Variants in SLC6A19 observed in about 807,000 individuals in gnomAD.
The protein encoded by SLC6A19 is solute carrier family 6 member 19, also known as sodium-dependent neutral amino acid transporter B(0)AT1.
SLC6A19 carries 67 observed loss-of-function variants against 68.3 expected under a neutral mutation model. The observed-to-expected ratio is 0.98, with a 90% CI of 0.81 to 1.20. The LOEUF (loss-of-function observed/expected upper bound fraction) is 1.20. Among genes scored for constraint, SLC6A19 ranks in the 50% most tolerant of loss-of-function variants. The pLI is 0.00. For synonymous variants in SLC6A19, 392 were observed against 374.9 expected (o/e 1.05, Z -0.53); for missense variants, 813 against 851.6 (o/e 0.95, Z 0.56).
intron 1 of SLC6A19, among the ~76,000 whole-genome samples, chr5:1,202,836 A>G (rs1473930892): frequency 2.0e-5 from 3 of 152,178 alleles, no homozygotes; most frequent in East Asian, 1.9e-4. Flanking sequence ...GCTTTTCCTG[A>G]ATCAGTTTCG....
In SLC6A19 at chr5:1,221,289, C is replaced by T. The variant is rs751809785; in HGVS notation, c.1677C>T (p.Thr559=). 9 of 1,613,816 alleles carry T rather than the reference C, an allele frequency of 5.6e-6. No individual in the cohort carries two copies. The South Asian group carries it at 7.7e-5, about 14-fold the overall frequency. Residue 559 remains threonine (T), a synonymous_variant, in exon 11 of 12, where the codon ACC becomes ACT. Transcript: ENST00000304460. ...FFVVEVSQEL[T]YSIWDPGYEE... Reference sequence around the variant, plus strand: ...TGGTAGAGGTCAGTCAGGAGCTGACCTACAGCATCTGGGACCCTGGCTACG... The same window carrying T: ...TGGTAGAGGTCAGTCAGGAGCTGACTTACAGCATCTGGGACCCTGGCTACG...
intron 10 of SLC6A19, among the ~76,000 whole-genome samples, chr5:1,219,962 C>T (rs1280225079): frequency 3.3e-5 from 5 of 152,108 alleles, no homozygotes; most frequent in African/African-American, 1.2e-4. Flanking sequence ...GCAGGGCCCA[C>T]GGCCGGGGAT....
In SLC6A19 at chr5:1,212,281, G is replaced by GTGTGAA. The variant is rs1310333461; in HGVS notation, c.482-19_482-14dup. 3.1e-6 allele frequency: 5 copies of GTGTGAA among 1,612,390 alleles called. No individual in the cohort carries two copies. Among genetic ancestry groups the GTGTGAA allele is most frequent in the Non-Finnish European group, 4.2e-6 (5 of 1,179,902 alleles). On this transcript the variant is annotated intron_variant, in intron 3 of 11. Coordinates refer to ENST00000304460, the MANE Select transcript of SLC6A19 (RefSeq NM_001003841.3). The surrounding 1 kb of genome is among the most constrained non-coding windows in gnomAD (Gnocchi z 5.1). The stretch of plus-strand genomic sequence containing the variant: ...CCTTGGGGGACCCGTACCCTGAGGT[G>GTGTGAA]TGTGAATGGCCCTCTCCCCAGGGTA...
rs1446714343 is a variant in SLC6A19, at chr5:1,223,372, A to G, written c.*1468A>G. 6.6e-6 allele frequency: 1 copy of G among 152,294 alleles called. No homozygotes were observed. Among genetic ancestry groups the G allele is most frequent in the Non-Finnish European group, 1.5e-5 (1 of 68,074 alleles). The allele number at this position is 152,294 out of a possible 1,614,324, so 9.4% of individuals were successfully genotyped here. A position where few individuals can be genotyped will look rare whatever the true frequency, so the allele number is the denominator to read the frequency against. On this transcript the variant is annotated 3_prime_UTR_variant, in exon 12 of 12. Coordinates refer to ENST00000304460, the MANE Select transcript of SLC6A19 (RefSeq NM_001003841.3). ...ACAGGGTAACTCAACCCTGGCTGCC[A>G]TCCTTGGGCACTGTGTGTGTCCAGG...
chr5:1,203,368 T>C (rs1042152689), intron 1 of SLC6A19, among the ~76,000 whole-genome samples: 5 of 152,150 alleles, frequency 3.3e-5, no homozygotes, highest in Non-Finnish European at 7.4e-5. Flanking sequence ...AAGCAGCGGG[T>C]GCTGGCGCTG....
chr5:1,218,759 A>G, intron 8 of SLC6A19, 144 bp from the exon 9 acceptor site: 1 of 773,106 alleles, frequency 1.3e-6, no homozygotes, highest in South Asian at 1.8e-5. Flanking sequence ...CTTTGGGCCT[A>G]AAAGACAAGA....
Position 1,208,856 on chromosome 5 carries a change from A to T in SLC6A19, c.313A>T (p.Ser105Cys). The change falls in exon 2 of 12, where the codon AGC becomes TGC. Residue 105 changes from serine (S) to cysteine (C), a missense_variant. Ser to Cys is a moderately radical substitution (Grantham distance 112, BLOSUM62 -1). Coordinates refer to ENST00000304460, the MANE Select transcript of SLC6A19 (RefSeq NM_001003841.3). ...GCGGCGGGGCAGCCTGGGTGTGTGG[A>T]GCTCCATCCACCCGGCCCTGAAGGG... Reference protein sequence around the residue: ...RLRRGSLGVWSSIHPALKGLG... With the variant: ...RLRRGSLGVWCSIHPALKGLG... The T allele has an allele frequency of 6.2e-7, 1 of 1,612,506 alleles. No homozygotes were observed.
chr5:1,221,265 G>A lies in SLC6A19; in HGVS notation c.1653G>A (p.Val551=), dbSNP rs1283555943. The A allele has an allele frequency of 6.2e-7, 1 of 1,613,964 alleles. No individual in the cohort carries two copies. Among genetic ancestry groups the A allele is most frequent in the African/African-American group, 1.3e-5 (1 of 74,914 alleles). ...TGATCATCTTCCTCTTCTTCTTCGTGGTAGAGGTCAGTCAGGAGCTGACCT... is the reference window on the plus strand; with the variant it reads ...TGATCATCTTCCTCTTCTTCTTCGTAGTAGAGGTCAGTCAGGAGCTGACCT... ...LMLIIFLFFF[V]VEVSQELTYS... is the part of the protein sequence containing the mutation. Residue 551 remains valine, a synonymous_variant, in exon 11 of 12, where the codon GTG becomes GTA. Transcript: ENST00000304460.
Position 1,213,580 on chromosome 5 carries a change from C to T in SLC6A19, c.774+7C>T. The T allele has an allele frequency of 1.2e-6, 2 of 1,610,752 alleles. No individual in the cohort carries two copies. Among genetic ancestry groups the T allele is most frequent in the South Asian group, 2.2e-5 (2 of 90,818 alleles). On this transcript the variant is annotated splice_region_variant and intron_variant, in intron 5 of 11. Transcript: ENST00000304460. ...CTTCCTCTTCACGCCCAACGTAAGT[C>T]CCCGAGGCTGCCCTGGGCCCAGACC...
chr5:1,213,721 G>T, intron 5 of SLC6A19, 148 bp downstream of exon 5: 3 of 1,057,960 alleles, frequency 2.8e-6, no homozygotes, highest in Non-Finnish European at 4.2e-6. Flanking sequence ...CACGGGGCCA[G>T]CGAGGGCAAG....
In SLC6A19 at chr5:1,216,596, T is replaced by C; in HGVS notation, c.926T>C (p.Ile309Thr). 4 of 1,614,162 alleles carry C rather than the reference T, an allele frequency of 2.5e-6. No homozygotes were observed. The highest frequency in any genetic ancestry group is 3.4e-6 in the Non-Finnish European group (4 of 1,180,038). Residue 309 changes from isoleucine to threonine, a missense_variant, in exon 7 of 12, where the codon ATC becomes ACC. Coordinates refer to ENST00000304460, the MANE Select transcript of SLC6A19 (RefSeq NM_001003841.3). ...AAGGACTCGGTGATTGTGTCCATCA[T>C]CAACGGCTTCACATCGGTGTATGTG... The part of the protein sequence containing the change: ...CEKDSVIVSI[I>T]NGFTSVYVAI...
intron 6 of SLC6A19, 145 bp from the exon 7 acceptor site, chr5:1,216,413 G>C (rs990331748): frequency 2.5e-6 from 3 of 1,189,460 alleles, no homozygotes; most frequent in Non-Finnish European, 3.6e-6. Context: ...TGGGGCAGGG[G>C]CTCCGACTGC....
chr5:1,212,524 G>A lies in SLC6A19; in HGVS notation c.663+40G>A, dbSNP rs1474696415. ...CGGCCAGGCTGCAGGTGCTCCAGAGGGCGGGTGCGGGCAGCCCTGCCTCCG... is the reference window on the plus strand; with the variant it reads ...CGGCCAGGCTGCAGGTGCTCCAGAGAGCGGGTGCGGGCAGCCCTGCCTCCG... On this transcript the variant is annotated intron_variant, in intron 4 of 11. Coordinates refer to ENST00000304460, the MANE Select transcript of SLC6A19 (RefSeq NM_001003841.3). This position sits in a 1 kb window ranked among gnomAD's most constrained non-coding sequence, Gnocchi z 5.1. The A allele has an allele frequency of 1.9e-6, 3 of 1,600,116 alleles. No homozygotes were observed. The highest frequency in any genetic ancestry group is 2.2e-5 in the South Asian group (2 of 90,962).
At chr5:1,221,342 G>A (rs1283133679) in intron 11 of SLC6A19, 29 bp downstream of exon 11, 1 of 1,610,458 alleles carries the variant, frequency 6.2e-7, no homozygotes, top group Non-Finnish European at 8.5e-7. Context: ...GCCTGGGGTG[G>A]GGAGAGGAAT....
At chr5:1,201,876 G>C (rs370829478) in intron 1 of SLC6A19, 24 bp downstream of exon 1, 1 of 1,601,560 alleles carries the variant, frequency 6.2e-7, no homozygotes, top group Non-Finnish European at 8.5e-7. Flanking sequence ...GCGGGGCTGC[G>C]GGCGAGGCCG....
intron 1 of SLC6A19, among the ~76,000 whole-genome samples, chr5:1,206,530 C>A (rs1745856945): frequency 6.6e-6 from 1 of 151,922 alleles, no homozygotes. Flanking sequence ...GTGGCTGGGT[C>A]GGGAAGGGAG....
In SLC6A19 at chr5:1,222,206, T is replaced by C. The variant is rs1367559489; in HGVS notation, c.*302T>C. The stretch of plus-strand genomic sequence containing the variant: ...GTCATGTTGTGTGTGTGCATGTACA[T>C]GTATGGACATTGTGTGAGTGTGCAA... On this transcript the variant is annotated 3_prime_UTR_variant, in exon 12 of 12. Coordinates refer to ENST00000304460, the MANE Select transcript of SLC6A19 (RefSeq NM_001003841.3). 6.8e-6 allele frequency: 4 copies of C among 590,028 alleles called. No homozygotes were observed. The highest frequency in any genetic ancestry group is 2.1e-5 in the South Asian group (1 of 47,758). 36.5% of individuals were successfully genotyped at this position (590,028 alleles called of 1,614,324 possible).
At position 1,214,827 on chromosome 5, in the gene SLC6A19, G is replaced by T. The variant is rs1746160639; in HGVS notation, c.887+762G>T. Reference sequence around the variant, plus strand: ...GTGCAAGGGGGCAGGGCCTGGGTAGGGAGGGTGGGGCCTAGACTGGACGGG... The same window carrying T: ...GTGCAAGGGGGCAGGGCCTGGGTAGTGAGGGTGGGGCCTAGACTGGACGGG... On this transcript the variant is annotated intron_variant, in intron 6 of 11. Coordinates refer to ENST00000304460, the MANE Select transcript of SLC6A19 (RefSeq NM_001003841.3). The surrounding 1 kb of genome is among the most constrained non-coding windows in gnomAD (Gnocchi z 7.4). 6.8e-6 allele frequency among the ~76,000 whole-genome samples: 1 copy of T among 147,998 alleles called. No individual in the cohort carries two copies. The highest frequency in any genetic ancestry group is 6.7e-5 in the Admixed American group (1 of 14,982).
At position 1,201,647 on chromosome 5, in the gene SLC6A19, C is replaced by A. The variant is rs1157927838; in HGVS notation, c.-4C>A. The A allele has an allele frequency of 2.5e-6, 4 of 1,605,362 alleles. No individual in the cohort carries two copies. Among genetic ancestry groups the A allele is most frequent in the Non-Finnish European group, 3.4e-6 (4 of 1,179,232 alleles). On this transcript the variant is annotated 5_prime_UTR_variant, in exon 1 of 12. Coordinates refer to ENST00000304460, the MANE Select transcript of SLC6A19 (RefSeq NM_001003841.3). ...GCTGTGTGCGGAGCCGTCCAGCGAC[C>A]ACCATGGTGAGGCTCGTGCTGCCCA...
Sources: allele counts gnomAD v4.1 joint callset (sites outside exome capture counted in the v4.1 genomes callset), GRCh38; gene constraint gnomAD v4.1.1; non-coding constraint Gnocchi (gnomAD v3.1); transcripts MANE v1.5; gene names NCBI Gene and HGNC (gene_info 2026-07-23, HGNC 2026-07-21).